KIF26B: variants seen among roughly 807,000 people sequenced by gnomAD.
KIF26B encodes the protein kinesin-like protein KIF26B.
In KIF26B, 63 loss-of-function variants were observed where a neutral mutation model predicts 151.2. The ratio of observed to expected loss-of-function variants is 0.42; its 90% CI spans 0.34 to 0.51. The LOEUF is 0.51. Ranked by LOEUF, KIF26B falls within the 20% of genes least tolerant of loss-of-function variation. The probability of loss-of-function intolerance (pLI) is 0.07; values close to 1 mark genes in which losing one functional copy is unlikely to be tolerated. For synonymous variants in KIF26B, 1,357 were observed against 1,262.1 expected, an observed-to-expected ratio of 1.08 and a Z score of -1.59; for missense variants, 2,813 against 2,913.6, an observed-to-expected ratio of 0.97 and a Z score of 0.79.
intron 5 of KIF26B, among the ~76,000 whole-genome samples, chr1:245,574,927 C>G (rs111972128): frequency 6.8e-6 from 1 of 146,000 alleles, no homozygotes; most frequent in Non-Finnish European, 1.5e-5. Flanking sequence ...GCCAGTGGCG[C>G]GATCTCGGCT....
intron 2 of KIF26B, among the ~76,000 whole-genome samples, chr1:245,217,589 C>G (rs1002996080): frequency 4.6e-5 from 7 of 151,988 alleles, no homozygotes; most frequent in Non-Finnish European, 1.5e-5. Flanking sequence ...AGGCTGGTCT[C>G]GAACTCCTGA....
At chr1:245,382,905 G>A (rs1673445843) in intron 3 of KIF26B, among the ~76,000 whole-genome samples, 1 of 149,444 alleles carries the variant, frequency 6.7e-6, no homozygotes, top group South Asian at 2.1e-4. Flanking sequence ...ATTCTATATT[G>A]TATATATATA....
chr1:245,578,096 G>A (rs2043143368), intron 5 of KIF26B, among the ~76,000 whole-genome samples: 2 of 152,224 alleles, frequency 1.3e-5, no homozygotes, highest in South Asian at 2.1e-4. Flanking sequence ...CCCTGTCTAC[G>A]AATAGAACTT....
Position 245,702,561 on chromosome 1 carries a change from T to C in KIF26B, c.6282T>C (p.His2094=). The C allele has an allele frequency of 3.1e-6, 5 of 1,613,908 alleles. No individual in the cohort carries two copies. The highest frequency in any genetic ancestry group is 4.2e-6 in the Non-Finnish European group (5 of 1,179,876). The part of the protein sequence containing the change: ...LESRVNFCKA[H]LMMITCFDIT... ...GCCGTGTCAACTTCTGCAAGGCCCA[T>C]CTCATGATGATCACCTGCTTCGACA... The change falls in exon 15 of 15, where the codon CAT becomes CAC. Residue 2094 remains histidine, a synonymous_variant. Coordinates refer to ENST00000407071, the MANE Select transcript of KIF26B (RefSeq NM_018012.4). This position sits in a 1 kb window ranked among gnomAD's most constrained non-coding sequence, Gnocchi z 4.1.
At chr1:245,155,926 AT>A (rs1158442825) in intron 1 of KIF26B, among the ~76,000 whole-genome samples, 13 of 151,492 alleles carry the variant, frequency 8.6e-5, no homozygotes, top group Admixed American at 2.0e-4. Flanking sequence ...GTCTTCCAGG[AT>A]TTTGTTCCCG....
intron 4 of KIF26B, among the ~76,000 whole-genome samples, chr1:245,505,940 T>C (rs1047663628): frequency 6.6e-6 from 1 of 152,232 alleles, no homozygotes; most frequent in Non-Finnish European, 1.5e-5. Flanking sequence ...ACATGAGGTA[T>C]TTCCCACAGG....
At chr1:245,230,508 C>T (rs904747933) in intron 2 of KIF26B, among the ~76,000 whole-genome samples, 4 of 151,866 alleles carry the variant, frequency 2.6e-5, no homozygotes, top group African/African-American at 4.8e-5. Context: ...TTTGGGAGGC[C>T]GAGGCGGGTG....
At chr1:245,531,364 AG>A (rs1661354966) in intron 4 of KIF26B, among the ~76,000 whole-genome samples, 1 of 151,648 alleles carries the variant, frequency 6.6e-6, no homozygotes, top group Admixed American at 6.7e-5. Context: ...CCCAGGTCTG[AG>A]AGTCAGCAGC....
chr1:245,510,576 T>TTCTCTCTCTCTCTCTCTC (rs4021193), intron 4 of KIF26B, among the ~76,000 whole-genome samples: 9 of 134,104 alleles, frequency 6.7e-5, no homozygotes, highest in African/African-American at 2.1e-4. Context: ...TTAGCAGAGC[T>TTCTCTCTCTCTCTCTCTC]TCTCTCTCTC....
chr1:245,537,024 C>T (rs1019882387), intron 4 of KIF26B, among the ~76,000 whole-genome samples: 2 of 152,226 alleles, frequency 1.3e-5, no homozygotes, highest in Non-Finnish European at 1.5e-5. Context: ...AGACGCCCAC[C>T]TCTCAAGGGG....
At chr1:245,652,215 C>T (rs971030712) in intron 10 of KIF26B, among the ~76,000 whole-genome samples, 2 of 151,574 alleles carry the variant, frequency 1.3e-5, no homozygotes, top group Admixed American at 6.6e-5. Context: ...CCCTGATTTA[C>T]AGGGAGAATA....
chr1:245,389,202 C>T (rs1326255952), intron 3 of KIF26B, among the ~76,000 whole-genome samples: 1 of 152,070 alleles, frequency 6.6e-6, no homozygotes, highest in East Asian at 1.9e-4. Context: ...CAACCTCTAC[C>T]TCCTGGGTTC....
intron 4 of KIF26B, among the ~76,000 whole-genome samples, chr1:245,511,684 C>T (rs763106469): frequency 6.6e-6 from 1 of 152,188 alleles, no homozygotes; most frequent in Non-Finnish European, 1.5e-5. Context: ...TCGGACATCT[C>T]CCTATTCTAG....
rs376989678 is a variant in KIF26B, at chr1:245,686,336, C to A, written c.3353C>A (p.Ser1118Tyr). ...SKDSGVASRESLLQPEVRTPP... is the reference protein window; with the variant it reads ...SKDSGVASREYLLQPEVRTPP... ...GATTCCGGCGTGGCGTCTAGGGAGTCCTTGCTGCAGCCCGAGGTGCGTACG... is the reference window on the plus strand; with the variant it reads ...GATTCCGGCGTGGCGTCTAGGGAGTACTTGCTGCAGCCCGAGGTGCGTACG... Residue 1118 changes from serine (S) to tyrosine (Y), a missense_variant, in exon 12 of 15, where the codon TCC (serine) becomes TAC (tyrosine). Physicochemically the swap from Ser to Tyr is moderately radical, Grantham distance 144. This residue lies in a region of KIF26B where 2,060 missense variants were observed against 2,088.6 expected (regional missense o/e 0.99). Coordinates refer to ENST00000407071, the MANE Select transcript of KIF26B (RefSeq NM_018012.4). This position sits in a 1 kb window ranked among gnomAD's most constrained non-coding sequence, Gnocchi z 5.6. 1.6e-4 allele frequency: 255 copies of A among 1,613,314 alleles called. No homozygotes were observed. Among genetic ancestry groups the A allele is most frequent in the Non-Finnish European group, 2.0e-4 (231 of 1,179,880 alleles).
chr1:245,642,919 A>C (rs976046072), intron 9 of KIF26B, among the ~76,000 whole-genome samples: 1 of 152,180 alleles, frequency 6.6e-6, no homozygotes, highest in Non-Finnish European at 1.5e-5. Context: ...CCAGGAGGAC[A>C]CTGCATCAAT....
intron 4 of KIF26B, among the ~76,000 whole-genome samples, chr1:245,478,467 G>T (rs899179276): frequency 1.6e-5 from 2 of 127,602 alleles, no homozygotes; most frequent in Non-Finnish European, 3.1e-5. Context: ...TTGCTCTGTC[G>T]CCCAGGCTGG....
At chr1:245,490,074 T>G (rs946439447) in intron 4 of KIF26B, among the ~76,000 whole-genome samples, 6 of 152,194 alleles carry the variant, frequency 3.9e-5, no homozygotes, top group African/African-American at 1.4e-4. Flanking sequence ...GTTTGTAGAT[T>G]TGTTCGACTC....
At position 245,687,653 on chromosome 1, in the gene KIF26B, G is replaced by T. The variant is rs2147956793; in HGVS notation, c.4670G>T (p.Cys1557Phe). Reference sequence around the variant, plus strand: ...GAGCCGGACAGCCTCTCCTATTACTGCGCTGCTGAGACCAACGGGGTGGGT... The same window carrying T: ...GAGCCGGACAGCCTCTCCTATTACTTCGCTGCTGAGACCAACGGGGTGGGT... ...QEEPDSLSYY[C>F]AAETNGVGAA... Residue 1557 changes from cysteine (C) to phenylalanine (F), a missense_variant, in exon 12 of 15, where the codon TGC (cysteine) becomes TTC (phenylalanine). Physicochemically the swap from Cys to Phe is radical, Grantham distance 205 (BLOSUM62 -2). Coordinates refer to ENST00000407071, the MANE Select transcript of KIF26B (RefSeq NM_018012.4). This position sits in a 1 kb window ranked among gnomAD's most constrained non-coding sequence, Gnocchi z 4.9. 1.3e-6 allele frequency: 2 copies of T among 1,573,366 alleles called. No homozygotes were observed. The highest frequency in any genetic ancestry group is 2.3e-5 in the East Asian group (1 of 42,604).
intron 4 of KIF26B, among the ~76,000 whole-genome samples, chr1:245,471,131 G>GTA (rs3068342): frequency 0.23 from 34,110 of 149,270 alleles, 4,082 homozygotes; most frequent in Non-Finnish European, 0.28. Context: ...GTGTGTGTGT[G>GTA]TATATATATA....
Sources: allele counts gnomAD v4.1 joint callset (sites outside exome capture counted in the v4.1 genomes callset), GRCh38; gene constraint gnomAD v4.1.1; regional missense constraint gnomAD v4.1.1; non-coding constraint Gnocchi (gnomAD v3.1); transcripts MANE v1.5; gene names NCBI Gene and HGNC (gene_info 2026-07-23, HGNC 2026-07-21).